The following XRN2 variants were observed in gnomAD, a reference collection of about 807,000 sequenced individuals.
XRN2 encodes DHM1-like protein.
In XRN2, 44 loss-of-function variants were observed where a neutral mutation model predicts 138.5. That is an observed-to-expected ratio of 0.32 (90% CI 0.25 to 0.41). XRN2 has a LOEUF of 0.41. Ranked by LOEUF, XRN2 falls within the 10% of genes least tolerant of loss-of-function variation. XRN2 has a pLI of 1.00. For synonymous variants in XRN2, 354 were observed against 369.4 expected, an observed-to-expected ratio of 0.96 and a Z score of 0.48; for missense variants, 937 against 1,169.3, an observed-to-expected ratio of 0.80 and a Z score of 2.90.
intron 28 of XRN2, among the ~76,000 whole-genome samples, chr20:21,383,775 G>A (rs868229980): frequency 1.3e-5 from 2 of 152,094 alleles, no homozygotes; most frequent in South Asian, 2.1e-4. Flanking sequence ...CCCTAGCCAA[G>A]TACTAGTATT....
intron 1 of XRN2, among the ~76,000 whole-genome samples, chr20:21,311,905 A>G (rs571042455): frequency 4.7e-4 from 71 of 152,220 alleles, no homozygotes; most frequent in African/African-American, 1.6e-3. Context: ...CTGAGGCACA[A>G]AATCACTTGA....
chr20:21,312,252 A>G (rs2122165227), intron 1 of XRN2, among the ~76,000 whole-genome samples: 1 of 152,020 alleles, frequency 6.6e-6, no homozygotes, highest in South Asian at 2.1e-4. Flanking sequence ...AGCTGGGACT[A>G]CAGGCGCCTG....
intron 27 of XRN2, among the ~76,000 whole-genome samples, chr20:21,374,223 C>G (rs1047528200): frequency 2.0e-5 from 3 of 151,694 alleles, no homozygotes; most frequent in African/African-American, 4.8e-5. Context: ...TTTATATGTT[C>G]TTTGAAATCT....
At chr20:21,379,459 G>C (rs901899841) in intron 27 of XRN2, among the ~76,000 whole-genome samples, 2 of 151,720 alleles carry the variant, frequency 1.3e-5, no homozygotes, top group Non-Finnish European at 2.9e-5. Flanking sequence ...TTTTCTTTTT[G>C]GATTGAAAAC....
intron 1 of XRN2, among the ~76,000 whole-genome samples, chr20:21,325,963 T>TA (rs1348036275): frequency 6.6e-6 from 1 of 152,270 alleles, no homozygotes; most frequent in Middle Eastern, 3.4e-3. Flanking sequence ...TGACAGGACT[T>TA]ACTGATGTGA....
chr20:21,340,573 G>A, intron 14 of XRN2, 148 bp from the exon 15 acceptor site: 1 of 765,202 alleles, frequency 1.3e-6, no homozygotes, highest in Non-Finnish European at 2.1e-6. Flanking sequence ...AGACAACCTT[G>A]TAATATTAAC....
rs569730979 is a variant in XRN2 at position 21,315,422 on chromosome 20, G to T, written c.76-10857G>T. On this transcript the variant is annotated intron_variant, in intron 1 of 29. Coordinates refer to ENST00000377191, the MANE Select transcript of XRN2 (RefSeq NM_012255.5). ...ATTTTCTGATGACTAGTCGTGTTGA[G>T]CATCTTTTCATGTGCTTACTGGCCA... Among the ~76,000 whole-genome samples, 20 of 152,316 alleles carry T rather than the reference G, an allele frequency of 1.3e-4. No homozygotes were observed. The East Asian group carries it at 3.9e-3, about 29-fold the overall frequency.
chr20:21,349,321 A>G (rs1401227376), intron 19 of XRN2, 68 bp from the exon 20 acceptor site: 4 of 1,062,382 alleles, frequency 3.8e-6, no homozygotes, highest in African/African-American at 1.6e-5. Flanking sequence ...AATGAAAGTC[A>G]TATCAAATTC....
At chr20:21,346,265 T>C (rs2038434281) in intron 16 of XRN2, 150 bp from the exon 17 acceptor site, 6 of 991,632 alleles carry the variant, frequency 6.1e-6, no homozygotes, top group African/African-American at 1.6e-5. Flanking sequence ...TTTTTAGAAA[T>C]AGTTAAATGA....
chr20:21,318,195 A>G (rs2037986162), intron 1 of XRN2, among the ~76,000 whole-genome samples: 1 of 152,158 alleles, frequency 6.6e-6, no homozygotes, highest in Non-Finnish European at 1.5e-5. Context: ...AAGTTATCTA[A>G]TTTGTTGGTG....
chr20:21,369,062 C>T (rs193241186), intron 27 of XRN2, among the ~76,000 whole-genome samples: 3 of 152,212 alleles, frequency 2.0e-5, no homozygotes, highest in Admixed American at 2.0e-4. Flanking sequence ...CAACCCTTCC[C>T]CTACTACCCT....
intron 20 of XRN2, among the ~76,000 whole-genome samples, chr20:21,354,324 G>C (rs2038549869): frequency 6.6e-6 from 1 of 152,160 alleles, no homozygotes; most frequent in Non-Finnish European, 1.5e-5. Context: ...GGAGATCTAT[G>C]CATTTTGGTT....
intron 1 of XRN2, among the ~76,000 whole-genome samples, chr20:21,320,743 C>T (rs1399401329): frequency 6.6e-6 from 1 of 152,094 alleles, no homozygotes; most frequent in East Asian, 1.9e-4. Context: ...TACAGGCATG[C>T]ACCACCACAC....
chr20:21,337,417 C>CA (rs2038310750), intron 13 of XRN2, among the ~76,000 whole-genome samples: 1 of 152,176 alleles, frequency 6.6e-6, no homozygotes, highest in Admixed American at 6.5e-5. Context: ...GAGCAACCCT[C>CA]ATGGAAAGAC....
Position 21,344,173 on chromosome 20 carries a change from C to T in XRN2, c.1494C>T (p.Asp498=). The T allele has an allele frequency of 6.2e-7, 1 of 1,613,362 alleles. No homozygotes were observed. The highest frequency in any genetic ancestry group is 1.7e-5 in the Admixed American group (1 of 60,012). The change falls in exon 16 of 30, where the codon GAC becomes GAT. Residue 498 remains aspartate, a synonymous_variant. Transcript: ENST00000377191. ...GAGGAATTAAGCGAAAAGCAGAAGA[C>T]AGTGACAGTGAACCTGAGCCAGAGG... The part of the protein sequence containing the change: ...PLGGIKRKAE[D]SDSEPEPEDN...
chr20:21,346,361 G>A, intron 16 of XRN2, 54 bp from the exon 17 acceptor site: 3 of 1,601,746 alleles, frequency 1.9e-6, no homozygotes, highest in Non-Finnish European at 2.6e-6. Context: ...TTAGTAGACA[G>A]CCTGTTACTG....
intron 19 of XRN2, among the ~76,000 whole-genome samples, chr20:21,349,142 T>C (rs1958122): frequency 0.68 from 103,198 of 152,100 alleles, 35,741 homozygotes; most frequent in South Asian, 0.84. Context: ...TTTCTGCCTG[T>C]CTGAAGCCCA....
intron 26 of XRN2, 50 bp downstream of exon 26, chr20:21,365,754 C>A (rs762865639): frequency 6.6e-7 from 1 of 1,516,180 alleles, no homozygotes; most frequent in South Asian, 1.3e-5. Flanking sequence ...TCTGAATCAT[C>A]CCATAAAACA....
chr20:21,326,098 C>T (rs2038125008), intron 1 of XRN2, among the ~76,000 whole-genome samples, 181 bp from the exon 2 acceptor site: 1 of 152,176 alleles, frequency 6.6e-6, no homozygotes, highest in Non-Finnish European at 1.5e-5. Context: ...CATCCACTTT[C>T]TACAGATAAA....
Sources: gnomAD v4.1 joint callset for allele counts (sites outside exome capture counted in the v4.1 genomes callset) on GRCh38, gnomAD v4.1.1 for gene constraint, MANE v1.5 for transcripts, NCBI Gene and HGNC (gene_info 2026-07-23, HGNC 2026-07-21) for gene names.